Variants in SLMAP observed in about 807,000 individuals in gnomAD.
SLMAP encodes sarcolemma associated protein, also known as sarcolemmal membrane-associated protein.
In SLMAP, 44 loss-of-function variants were observed where a neutral mutation model predicts 128.8. That is an observed-to-expected ratio of 0.34 (90% CI 0.27 to 0.44). The LOEUF is 0.44. Ranked by LOEUF, SLMAP falls within the 20% of genes least tolerant of loss-of-function variation. The pLI, the probability that SLMAP is intolerant of heterozygous loss-of-function variation, is 1.00. For synonymous variants in SLMAP, 327 were observed against 348.8 expected, an observed-to-expected ratio of 0.94 and a Z score of 0.70; for missense variants, 787 against 985.3, an observed-to-expected ratio of 0.80 and a Z score of 2.69.
chr3:57,833,132 G>A (rs2153550500), intron 3 of SLMAP, among the ~76,000 whole-genome samples: 1 of 152,202 alleles, frequency 6.6e-6, no homozygotes, highest in East Asian at 1.9e-4. Context: ...TTCCTAAAGG[G>A]AATTATTAGG....
rs182447377 is a variant in SLMAP at position 57,780,010 on chromosome 3, A to G, written c.198+22161A>G. Among the ~76,000 whole-genome samples, 570 of 152,232 alleles carry G rather than the reference A, an allele frequency of 3.7e-3. 3 individuals are homozygous for G. Among genetic ancestry groups the G allele is most frequent in the South Asian group, 7.7e-3 (37 of 4,828 alleles). Reference sequence around the variant, plus strand: ...TATTTAACTTAATTAAAATTTTAAAAGAGAAATAAAAAAAGTTAAGCCACC... The same window carrying G: ...TATTTAACTTAATTAAAATTTTAAAGGAGAAATAAAAAAAGTTAAGCCACC... On this transcript the variant is annotated intron_variant, in intron 2 of 24. Transcript: ENST00000671191.
At chr3:57,893,192 C>G (rs1158529161) in intron 15 of SLMAP, among the ~76,000 whole-genome samples, 2 of 152,034 alleles carry the variant, frequency 1.3e-5, no homozygotes, top group Non-Finnish European at 2.9e-5. Context: ...AGGCACTGTT[C>G]TGTGCACTGG....
chr3:57,868,276 A>G (rs1409154552), intron 13 of SLMAP, among the ~76,000 whole-genome samples: 1 of 151,898 alleles, frequency 6.6e-6, no homozygotes, highest in Non-Finnish European at 1.5e-5. Flanking sequence ...TAAAAAATAA[A>G]CATAATGAGA....
chr3:57,813,619 A>G (rs2091386774), intron 2 of SLMAP, among the ~76,000 whole-genome samples: 1 of 152,208 alleles, frequency 6.6e-6, no homozygotes, highest in South Asian at 2.1e-4. Flanking sequence ...ACAATACATC[A>G]TAACAACTAT....
At chr3:57,838,148 C>A (rs1342742398) in intron 3 of SLMAP, among the ~76,000 whole-genome samples, 1 of 152,088 alleles carries the variant, frequency 6.6e-6, no homozygotes, top group Admixed American at 6.6e-5. Flanking sequence ...ACTTGTTCTA[C>A]CTATTTTTCT....
At chr3:57,893,084 C>T (rs1291012829) in intron 15 of SLMAP, among the ~76,000 whole-genome samples, 2 of 151,990 alleles carry the variant, frequency 1.3e-5, no homozygotes, top group South Asian at 2.1e-4. Flanking sequence ...CCGCCCGCCT[C>T]GGCCTCCCAA....
At chr3:57,878,903 C>T (rs2095663127) in intron 14 of SLMAP, among the ~76,000 whole-genome samples, 2 of 152,174 alleles carry the variant, frequency 1.3e-5, no homozygotes, top group South Asian at 4.1e-4. Context: ...TATATTCACT[C>T]CCTCCTCTCT....
intron 15 of SLMAP, chr3:57,890,902 T>G (rs1247638685): frequency 6.6e-6 from 1 of 152,238 alleles, no homozygotes; most frequent in Non-Finnish European, 1.5e-5. Context: ...CTGGATTCAT[T>G]TGACTTTTTT....
intron 7 of SLMAP, 37 bp downstream of exon 7, chr3:57,857,865 CA>C: frequency 6.5e-6 from 9 of 1,381,906 alleles, no homozygotes; most frequent in Non-Finnish European, 7.2e-6. Flanking sequence ...AACATTTAAA[CA>C]TAGTTTAATA....
chr3:57,769,682 T>C (rs1244261895), intron 2 of SLMAP, among the ~76,000 whole-genome samples: 3 of 152,154 alleles, frequency 2.0e-5, no homozygotes, highest in African/African-American at 7.2e-5. Flanking sequence ...ATATAGGAAG[T>C]AGAAGACAGT....
At chr3:57,920,528 AT>A (rs1027395024) in intron 22 of SLMAP, among the ~76,000 whole-genome samples, 6 of 152,082 alleles carry the variant, frequency 3.9e-5, no homozygotes, top group Admixed American at 6.5e-5. Flanking sequence ...AGGTGTTTAC[AT>A]TTTTCAGAAG....
chr3:57,831,506 G>A lies in SLMAP; in HGVS notation c.322G>A (p.Asp108Asn). 6.4e-7 allele frequency: 1 copy of A among 1,571,736 alleles called. No individual in the cohort carries two copies. The highest frequency in any genetic ancestry group is 1.2e-5 in the South Asian group (1 of 83,698). ...CGGTGACATTATCCAGTTTGGAGTA[G>A]ACGTGACAGAGAATACACGGAAAGG... is the stretch of plus-strand genomic sequence containing the variant. ...LSGDIIQFGV[D>N]VTENTRKVTH... The change falls in exon 3 of 25, where the codon GAC (aspartate) becomes AAC (asparagine). Residue 108 changes from aspartate to asparagine, a missense_variant. Physicochemically the swap from Asp to Asn is conservative, Grantham distance 23. This residue lies in a region of SLMAP where 72 missense variants were observed against 141.8 expected (regional missense o/e 0.51). Transcript: ENST00000671191.
At chr3:57,874,355 A>G (rs912362298) in intron 14 of SLMAP, among the ~76,000 whole-genome samples, 8 of 152,202 alleles carry the variant, frequency 5.3e-5, no homozygotes, top group African/African-American at 1.7e-4. Flanking sequence ...TTTAAGATTT[A>G]TATTTTGAAC....
At chr3:57,857,912 C>T in intron 7 of SLMAP, 84 bp downstream of exon 7, 1 of 1,026,552 alleles carries the variant, frequency 9.7e-7, no homozygotes, top group South Asian at 1.4e-5. Context: ...ATGTAGCAAA[C>T]AAAGACAAAG....
At chr3:57,824,599 T>C (rs753179508) in intron 2 of SLMAP, among the ~76,000 whole-genome samples, 1 of 152,208 alleles carries the variant, frequency 6.6e-6, no homozygotes, top group Non-Finnish European at 1.5e-5. Flanking sequence ...TTCTATTCCA[T>C]TGATCTTTAT....
chr3:57,893,922 A>C (rs1184393083), intron 15 of SLMAP, among the ~76,000 whole-genome samples: 1 of 152,172 alleles, frequency 6.6e-6, no homozygotes, highest in Non-Finnish European at 1.5e-5. Context: ...TTTGACTACA[A>C]ATGGCAGTGA....
intron 17 of SLMAP, among the ~76,000 whole-genome samples, chr3:57,906,332 T>TTTTTTTTTTG (rs1491216777): frequency 7.3e-6 from 1 of 136,954 alleles, no homozygotes; most frequent in Admixed American, 8.0e-5. Context: ...TTTTTTTTTT[T>TTTTTTTTTTG]AGAGACACAG....
intron 2 of SLMAP, among the ~76,000 whole-genome samples, chr3:57,794,868 GAAT>G (rs1285444517): frequency 1.3e-5 from 2 of 152,172 alleles, no homozygotes; most frequent in African/African-American, 4.8e-5. Flanking sequence ...CGGCTGTTAT[GAAT>G]AATGTCACTA....
intron 4 of SLMAP, among the ~76,000 whole-genome samples, chr3:57,843,775 C>CTTTTTTTTTTTTTT (rs775541858): frequency 1.4e-3 from 108 of 77,134 alleles, no homozygotes; most frequent in East Asian, 1.8e-3. Context: ...TCTTTTCTTT[C>CTTTTTTTTTTTTTT]TTTTTTTTTT....
Sources: gnomAD v4.1 joint callset for allele counts (sites outside exome capture counted in the v4.1 genomes callset) on GRCh38, gnomAD v4.1.1 for gene constraint, gnomAD v4.1.1 regional missense constraint, MANE v1.5 for transcripts, NCBI Gene and HGNC (gene_info 2026-07-23, HGNC 2026-07-21) for gene names.